Variants in DCUN1D5 observed in about 807,000 individuals in gnomAD.
DCUN1D5 encodes the protein DCN1-like protein 5.
Under a neutral mutation model 38.3 loss-of-function variants are expected in DCUN1D5, and 10 were observed. The observed-to-expected ratio is 0.26, with a 90% CI of 0.16 to 0.44. The LOEUF (loss-of-function observed/expected upper bound fraction) is 0.44. Among genes scored for constraint, DCUN1D5 ranks in the 20% least tolerant of loss-of-function variants. The pLI is 1.00. For synonymous variants in DCUN1D5, 93 were observed against 90.9 expected (o/e 1.02, Z -0.13); for missense variants, 148 against 275.3 (o/e 0.54, Z 3.27).
rs1372498082 is a variant in DCUN1D5 at position 103,089,300 on chromosome 11, G to A, written c.105C>T (p.Pro35=). The A allele has an allele frequency of 1.9e-6, 3 of 1,607,948 alleles. No homozygotes were observed. In the African/African-American group the frequency reaches 4.0e-5, roughly 21 times the overall value. ...CCTCTCCACTTATTAGTCTAGCAGG[G>A]GGTTGGGATCTGCAATAGCTTAGAA... is the stretch of plus-strand genomic sequence containing the variant. ...CKISSYCRSQ[P]PARLISGEEH... The change falls in exon 2 of 8, where the codon CCC becomes CCT. Residue 35 remains proline (P), a synonymous_variant. Coordinates refer to ENST00000260247, the MANE Select transcript of DCUN1D5 (RefSeq NM_032299.4).
Position 103,055,756 on chromosome 11 carries a change from T to G in DCUN1D5, c.*6603A>C, listed in dbSNP as rs1258726237. On this transcript the variant is annotated 3_prime_UTR_variant, in exon 8 of 8. Coordinates refer to ENST00000260247, the MANE Select transcript of DCUN1D5 (RefSeq NM_032299.4). Reference sequence around the variant, plus strand: ...AAGTGGTTTCATCCATGTCCTGACTTAAAATAAGATTACACACTGATGACT... The same window carrying G: ...AAGTGGTTTCATCCATGTCCTGACTGAAAATAAGATTACACACTGATGACT... The G allele has an allele frequency of 6.6e-6, 1 of 152,204 alleles. No homozygotes were observed. The highest frequency in any genetic ancestry group is 1.5e-5 in the Non-Finnish European group (1 of 68,020). 9.4% of individuals were successfully genotyped at this position (152,204 alleles called of 1,614,324 possible).
At chr11:103,074,087 T>A (rs984490392) in intron 4 of DCUN1D5, among the ~76,000 whole-genome samples, 2 of 151,726 alleles carry the variant, frequency 1.3e-5, no homozygotes, top group African/African-American at 4.8e-5. Flanking sequence ...CAGAGTGAGA[T>A]TCTCAAAAAA....
chr11:103,058,617 G>C lies in DCUN1D5; in HGVS notation c.*3742C>G, dbSNP rs1261360165. Among the ~76,000 whole-genome samples, 1 of 151,602 alleles carries C rather than the reference G, an allele frequency of 6.6e-6. No homozygotes were observed. On this transcript the variant is annotated 3_prime_UTR_variant, in exon 8 of 8. Coordinates refer to ENST00000260247, the MANE Select transcript of DCUN1D5 (RefSeq NM_032299.4). ...AAAAAGAACAAATCTTAAACAATAGGTTTACCTGGTTCTTACCAAATATTC... is the reference window on the plus strand; with the variant it reads ...AAAAAGAACAAATCTTAAACAATAGCTTTACCTGGTTCTTACCAAATATTC...
chr11:103,050,979 C>G lies in DCUN1D5; in HGVS notation c.*11380G>C, dbSNP rs1332663320. 6.6e-6 allele frequency: 1 copy of G among 152,180 alleles called. No individual in the cohort carries two copies. The highest frequency in any genetic ancestry group is 1.5e-5 in the Non-Finnish European group (1 of 68,034). The allele number at this position is 152,180 out of a possible 1,614,324, so 9.4% of individuals were successfully genotyped here. On this transcript the variant is annotated 3_prime_UTR_variant, in exon 8 of 8. Transcript: ENST00000260247. ...GACCCAGAATAAGGGGGGAAACCCT[C>G]CATGTCTACAGGATGCAGTAGAGAT...
chr11:103,077,817 A>C lies in DCUN1D5; in HGVS notation c.341+4931T>G, dbSNP rs1036019752. On this transcript the variant is annotated intron_variant, in intron 4 of 7. Coordinates refer to ENST00000260247, the MANE Select transcript of DCUN1D5 (RefSeq NM_032299.4). The surrounding 1 kb of genome is among the most constrained non-coding windows in gnomAD (Gnocchi z 4.3). ...TTCCTCTAAATAAGCTTTCTCAACC[A>C]GAACAATACCATCTACTTCTAGGGG... 6.6e-6 allele frequency among the ~76,000 whole-genome samples: 1 copy of C among 152,216 alleles called. No homozygotes were observed. The highest frequency in any genetic ancestry group is 2.4e-5 in the African/African-American group (1 of 41,446).
At chr11:103,079,591 A>T (rs2134626310) in intron 4 of DCUN1D5, among the ~76,000 whole-genome samples, 1 of 151,572 alleles carries the variant, frequency 6.6e-6, no homozygotes, top group Admixed American at 6.6e-5. Flanking sequence ...GGAGTTTGAG[A>T]CCAGCCTGGA....
Position 103,086,291 on chromosome 11 carries a change from T to C in DCUN1D5, c.178+2936A>G, listed in dbSNP as rs932770268. On this transcript the variant is annotated intron_variant, in intron 2 of 7. Transcript: ENST00000260247. The surrounding 1 kb of genome is among the most constrained non-coding windows in gnomAD (Gnocchi z 4.1). ...ACAACCAGTAAATCTGATGCTGTAATGCTATTACTGTTTTAATAATAATAA... is the reference window on the plus strand; with the variant it reads ...ACAACCAGTAAATCTGATGCTGTAACGCTATTACTGTTTTAATAATAATAA... Among the ~76,000 whole-genome samples the C allele has an allele frequency of 6.6e-6, 1 of 152,338 alleles. No homozygotes were observed. The highest frequency in any genetic ancestry group is 2.4e-5 in the African/African-American group (1 of 41,562).
In DCUN1D5 at chr11:103,092,156, C is replaced by T. The variant is rs1202991835; in HGVS notation, c.-284G>A. The T allele has an allele frequency of 2.5e-6, 1 of 397,092 alleles. No individual in the cohort carries two copies. The highest frequency in any genetic ancestry group is 2.1e-5 in the African/African-American group (1 of 47,864). The allele number at this position is 397,092 out of a possible 1,614,324, so 24.6% of individuals were successfully genotyped here. Reference sequence around the variant, plus strand: ...AGCGCGGCAGCTCCACCAGTCACAGCAAGCAAGAGGCTCAGCCTAACCCGG... The same window carrying T: ...AGCGCGGCAGCTCCACCAGTCACAGTAAGCAAGAGGCTCAGCCTAACCCGG... On this transcript the variant is annotated 5_prime_UTR_variant, in exon 1 of 8. Transcript: ENST00000260247.
At position 103,064,339 on chromosome 11, in the gene DCUN1D5, G is replaced by A. The variant is rs781033773; in HGVS notation, c.594C>T (p.Tyr198=). Residue 198 remains tyrosine (Y), a synonymous_variant, in exon 7 of 8, where the codon TAC becomes TAT. Coordinates refer to ENST00000260247, the MANE Select transcript of DCUN1D5 (RefSeq NM_032299.4). The surrounding 1 kb of genome is among the most constrained non-coding windows in gnomAD (Gnocchi z 4.5). The part of the protein sequence containing the change: ...KYRVMNKDQW[Y]NVLEFSRTVH... ...CTGTTCTGCTGAATTCTAATACATT[G>A]TACCATTGATCTTTGTTCATAACAC... is the stretch of plus-strand genomic sequence containing the variant. 1.9e-6 allele frequency: 3 copies of A among 1,609,798 alleles called. No individual in the cohort carries two copies. Among genetic ancestry groups the A allele is most frequent in the Non-Finnish European group, 2.5e-6 (3 of 1,178,580 alleles).
In DCUN1D5 at chr11:103,056,861, G is replaced by T. The variant is rs1861886505; in HGVS notation, c.*5498C>A. ...TCATAACTAACCACTTCTTGTTCAA[G>T]TAACAAGACGCATTCATTTAACACC... On this transcript the variant is annotated 3_prime_UTR_variant, in exon 8 of 8. Transcript: ENST00000260247. The surrounding 1 kb of genome is among the most constrained non-coding windows in gnomAD (Gnocchi z 4.9). 6.6e-6 allele frequency among the ~76,000 whole-genome samples: 1 copy of T among 152,166 alleles called. No homozygotes were observed. Among genetic ancestry groups the T allele is most frequent in the African/African-American group, 2.4e-5 (1 of 41,446 alleles).
intron 4 of DCUN1D5, among the ~76,000 whole-genome samples, chr11:103,070,472 A>G (rs1224825411): frequency 6.6e-6 from 1 of 152,214 alleles, no homozygotes; most frequent in East Asian, 1.9e-4. Context: ...GAGGATAATC[A>G]TATTATAATA....
chr11:103,091,044 GTTCT>G lies in DCUN1D5; in HGVS notation c.86+739_86+742del, dbSNP rs1862850075. 1.3e-5 allele frequency among the ~76,000 whole-genome samples: 2 copies of G among 152,284 alleles called. No homozygotes were observed. The highest frequency in any genetic ancestry group is 4.1e-4 in the South Asian group (2 of 4,826). ...GGGATCAAAGAGCTACTACTATATAGTTCTGCCTTGTCTTCTTTCTTACCAGTAG... is the reference window on the plus strand; with the variant it reads ...GGGATCAAAGAGCTACTACTATATAGGCCTTGTCTTCTTTCTTACCAGTAG... On this transcript the variant is annotated intron_variant, in intron 1 of 7. Transcript: ENST00000260247. This position sits in a 1 kb window ranked among gnomAD's most constrained non-coding sequence, Gnocchi z 4.3.
rs562056769 is a variant in DCUN1D5 at position 103,062,746 on chromosome 11, G to A, written c.659-332C>T. ...ATTATGAAACAATCTGAAAAGTGTT[G>A]AAGGTAATATTTCTATGTTGCCTCC... On this transcript the variant is annotated intron_variant, in intron 7 of 7. Coordinates refer to ENST00000260247, the MANE Select transcript of DCUN1D5 (RefSeq NM_032299.4). The surrounding 1 kb of genome is among the most constrained non-coding windows in gnomAD (Gnocchi z 4.6). Among the ~76,000 whole-genome samples, 3 of 152,156 alleles carry A rather than the reference G, an allele frequency of 2.0e-5. No homozygotes were observed. Among genetic ancestry groups the A allele is most frequent in the East Asian group, 1.9e-4 (1 of 5,176 alleles).
At chr11:103,089,127 T>G in intron 2 of DCUN1D5, 100 bp downstream of exon 2, 1 of 1,230,168 alleles carries the variant, frequency 8.1e-7, no homozygotes, top group Non-Finnish European at 1.1e-6. Context: ...TACACAGCAC[T>G]AACACATAGC....
intron 4 of DCUN1D5, among the ~76,000 whole-genome samples, chr11:103,067,750 G>C (rs1201144008): frequency 6.6e-6 from 1 of 152,060 alleles, no homozygotes; most frequent in Non-Finnish European, 1.5e-5. Context: ...GTCAAATTTG[G>C]TCATGTTATC....
In DCUN1D5 at chr11:103,083,939, T is replaced by C. The variant is rs776520990; in HGVS notation, c.179-613A>G. On this transcript the variant is annotated intron_variant, in intron 2 of 7. Coordinates refer to ENST00000260247, the MANE Select transcript of DCUN1D5 (RefSeq NM_032299.4). The surrounding 1 kb of genome is among the most constrained non-coding windows in gnomAD (Gnocchi z 4.4). ...TGGTTCTAAAACAGACAGCAAGCAT[T>C]GATGTCACCTTAATGTAGAAACAGA... Among the ~76,000 whole-genome samples the C allele has an allele frequency of 7.2e-5, 11 of 152,182 alleles. No individual in the cohort carries two copies. Among genetic ancestry groups the C allele is most frequent in the Non-Finnish European group, 1.3e-4 (9 of 68,004 alleles).
At chr11:103,084,570 A>T (rs538909118) in intron 2 of DCUN1D5, among the ~76,000 whole-genome samples, 1 of 152,330 alleles carries the variant, frequency 6.6e-6, no homozygotes, top group South Asian at 2.1e-4. Flanking sequence ...ATATTTGGAG[A>T]ATTGTTTAAA....
chr11:103,081,620 C>A (rs1368875681), intron 4 of DCUN1D5, among the ~76,000 whole-genome samples: 7 of 152,036 alleles, frequency 4.6e-5, no homozygotes, highest in Admixed American at 4.6e-4. Context: ...TCTAACTAAG[C>A]ACTACTACTA....
chr11:103,091,607 C>T lies in DCUN1D5; in HGVS notation c.86+180G>A, dbSNP rs530863501. 2 of 1,102,968 alleles carry T rather than the reference C, an allele frequency of 1.8e-6. No homozygotes were observed. Among genetic ancestry groups the T allele is most frequent in the African/African-American group, 1.6e-5 (1 of 64,338 alleles). The allele number at this position is 1,102,968 out of a possible 1,614,324, so 68.3% of individuals were successfully genotyped here. ...CCATAAACGCCAGCGTGCACACACT[C>T]GAACACGAGGTCGGGTCGGGCGCGG... On this transcript the variant is annotated intron_variant, in intron 1 of 7. Transcript: ENST00000260247. This position sits in a 1 kb window ranked among gnomAD's most constrained non-coding sequence, Gnocchi z 4.3.
Sources: gnomAD v4.1 joint callset for allele counts (sites outside exome capture counted in the v4.1 genomes callset) on GRCh38, gnomAD v4.1.1 for gene constraint, Gnocchi (gnomAD v3.1) non-coding constraint, MANE v1.5 for transcripts, NCBI Gene and HGNC (gene_info 2026-07-23, HGNC 2026-07-21) for gene names.